FNTB: variants seen among roughly 807,000 people sequenced by gnomAD.
FNTB encodes the protein protein farnesyltransferase subunit beta.
A neutral mutation model predicts 59.4 loss-of-function variants in FNTB; 27 were observed. The observed-to-expected ratio is 0.45, with a 90% confidence interval of 0.34 to 0.63. FNTB has a LOEUF of 0.63. Ranked by LOEUF, FNTB falls within the 20% of genes least tolerant of loss-of-function variation. The pLI is 0.02. For missense variants in FNTB, 449 were observed against 559.6 expected, an observed-to-expected ratio of 0.80 and a Z score of 1.99; for synonymous variants, 230 against 220.7, an observed-to-expected ratio of 1.04 and a Z score of -0.37.
At chr14:65,026,476 G>C (rs1445901911) in intron 4 of FNTB, among the ~76,000 whole-genome samples, 1 of 152,156 alleles carries the variant, frequency 6.6e-6, no homozygotes, top group Non-Finnish European at 1.5e-5. Flanking sequence ...AGTCAGTGCA[G>C]CTCCTCTTAT....
chr14:65,000,145 C>G (rs556511318), intron 1 of FNTB, among the ~76,000 whole-genome samples: 1 of 152,040 alleles, frequency 6.6e-6, no homozygotes, highest in African/African-American at 2.4e-5. Context: ...ATTATTAAGT[C>G]GTATGGATTT....
At position 65,016,920 on chromosome 14, in the gene FNTB, G is replaced by GTTT. The variant is rs34191835; in HGVS notation, c.374+1222_374+1224dup. Among the ~76,000 whole-genome samples, 50 of 114,836 alleles carry GTTT rather than the reference G, an allele frequency of 4.4e-4. 2 individuals are homozygous for GTTT. The highest frequency in any genetic ancestry group is 9.5e-4 in the African/African-American group (28 of 29,396). The allele number at this position is 114,836 out of a possible 152,430, so 75.3% of individuals were successfully genotyped here. A position where few individuals can be genotyped will look rare whatever the true frequency, so the allele number is the denominator to read the frequency against. ...TAATTGTCAAAGAAAGGCCCACGTG[G>GTTT]TTTTTTTTTTTTTTTTTTTTGAGAC... On this transcript the variant is annotated intron_variant, in intron 4 of 11. Coordinates refer to ENST00000246166, the MANE Select transcript of FNTB (RefSeq NM_002028.4).
chr14:65,057,372 T>G (rs180934201), intron 11 of FNTB, among the ~76,000 whole-genome samples: 1 of 152,300 alleles, frequency 6.6e-6, no homozygotes, highest in Admixed American at 6.5e-5. Flanking sequence ...AAGGCTGCAG[T>G]GAGCTCTGTT....
chr14:65,025,918 G>T (rs961313387), intron 4 of FNTB, among the ~76,000 whole-genome samples: 2 of 152,222 alleles, frequency 1.3e-5, no homozygotes, highest in African/African-American at 2.4e-5. Flanking sequence ...AGAAGTATGT[G>T]TTGTTTTAAC....
At position 65,012,508 on chromosome 14, in the gene FNTB, T is replaced by G; in HGVS notation, c.282+119T>G. On this transcript the variant is annotated intron_variant, in intron 3 of 11. Coordinates refer to ENST00000246166, the MANE Select transcript of FNTB (RefSeq NM_002028.4). The surrounding 1 kb of genome is among the most constrained non-coding windows in gnomAD (Gnocchi z 5.0). ...TGTTGCAGAGTCACTCTTTGTTCTC[T>G]GTGGCTCTGGCAGGAGGTAGGGTGC... is the stretch of plus-strand genomic sequence containing the variant. 7 of 1,353,768 alleles carry G rather than the reference T, an allele frequency of 5.2e-6. No homozygotes were observed. Among genetic ancestry groups the G allele is most frequent in the East Asian group, 2.6e-5 (1 of 39,142 alleles). The allele number at this position is 1,353,768 out of a possible 1,614,324, so 83.9% of individuals were successfully genotyped here.
rs140505189 is a variant in FNTB at position 65,012,112 on chromosome 14, A to T, written c.210-205A>T. On this transcript the variant is annotated intron_variant, in intron 2 of 11. Coordinates refer to ENST00000246166, the MANE Select transcript of FNTB (RefSeq NM_002028.4). The surrounding 1 kb of genome is among the most constrained non-coding windows in gnomAD (Gnocchi z 5.0). ...AAATGTCAGCTGGCATGGTTTTCAG[A>T]TGCTTTAGAGACATTCAGACAAGAG... The T allele has an allele frequency of 9.2e-4, 506 of 550,388 alleles. 3 individuals are homozygous for T. The highest frequency in any genetic ancestry group is 8.6e-3 in the African/African-American group (452 of 52,566). 34.1% of individuals were successfully genotyped at this position (550,388 alleles called of 1,614,324 possible).
At chr14:64,987,160 G>A (rs746397174) in intron 1 of FNTB, 63 bp downstream of exon 1, 202 of 1,591,392 alleles carry the variant, frequency 1.3e-4, no homozygotes, top group Non-Finnish European at 1.6e-4. Context: ...AGTCCCGTTC[G>A]TAGGGCCGCC....
intron 4 of FNTB, among the ~76,000 whole-genome samples, chr14:65,019,216 G>C (rs2061841466): frequency 6.6e-6 from 1 of 151,938 alleles, no homozygotes; most frequent in African/African-American, 2.4e-5. Flanking sequence ...GCTGGATGTA[G>C]TGGCTCATGG....
At chr14:64,992,674 G>A (rs1417403475) in intron 1 of FNTB, among the ~76,000 whole-genome samples, 2 of 151,156 alleles carry the variant, frequency 1.3e-5, no homozygotes, top group East Asian at 1.9e-4. Context: ...GCTGGAGTGC[G>A]GTGATGCAAT....
intron 1 of FNTB, among the ~76,000 whole-genome samples, chr14:65,000,713 G>A (rs1888561243): frequency 6.6e-6 from 1 of 150,820 alleles, no homozygotes; most frequent in Non-Finnish European, 1.5e-5. Context: ...CCAGCTACTC[G>A]GGAGGCTGAG....
rs548466281 is a variant in FNTB, at chr14:65,054,636, G to A, written c.1129G>A (p.Gly377Ser). ...LSGLSIAQHF[G>S]SGAMLHDVVL... Reference sequence around the variant, plus strand: ...CGGCCTGTCCATAGCCCAGCACTTCGGCAGCGGAGCCATGTTGCATGATGT... The same window carrying A: ...CGGCCTGTCCATAGCCCAGCACTTCAGCAGCGGAGCCATGTTGCATGATGT... The change falls in exon 11 of 12, where the codon GGC (glycine) becomes AGC (serine). Residue 377 changes from glycine to serine, a missense_variant. Physicochemically the swap from Gly to Ser is moderately conservative, Grantham distance 56 (BLOSUM62 0). Coordinates refer to ENST00000246166, the MANE Select transcript of FNTB (RefSeq NM_002028.4). The surrounding 1 kb of genome is among the most constrained non-coding windows in gnomAD (Gnocchi z 4.4). 6 of 1,613,728 alleles carry A rather than the reference G, an allele frequency of 3.7e-6. No individual in the cohort carries two copies. The highest frequency in any genetic ancestry group is 4.5e-5 in the East Asian group (2 of 44,836).
chr14:65,024,140 G>A (rs2061937907), intron 4 of FNTB, among the ~76,000 whole-genome samples: 1 of 151,500 alleles, frequency 6.6e-6, no homozygotes, highest in South Asian at 2.1e-4. Context: ...GACCCATCTA[G>A]TTCTACTGAA....
At chr14:65,013,175 G>T (rs1216223468) in intron 3 of FNTB, among the ~76,000 whole-genome samples, 2 of 152,154 alleles carry the variant, frequency 1.3e-5, no homozygotes, top group Admixed American at 1.3e-4. Flanking sequence ...CAACTCAAAT[G>T]CCTGTAGGGC....
rs570283513 is a variant in FNTB at position 65,033,788 on chromosome 14, C to T, written c.692+1092C>T. Among the ~76,000 whole-genome samples the T allele has an allele frequency of 2.1e-4, 32 of 152,174 alleles. 1 individual carries two copies. In the South Asian group the frequency reaches 4.8e-3, roughly 23 times the overall value. ...AGGAGAATGGAGTGAACCCAGGAGG[C>T]GGAGCTTGCAGTGAGCCGAGATCAC... On this transcript the variant is annotated intron_variant, in intron 7 of 11. Coordinates refer to ENST00000246166, the MANE Select transcript of FNTB (RefSeq NM_002028.4).
chr14:65,055,708 G>T (rs915341081), intron 11 of FNTB, among the ~76,000 whole-genome samples: 1 of 151,968 alleles, frequency 6.6e-6, no homozygotes, highest in Non-Finnish European at 1.5e-5. Context: ...GTAGAGACAG[G>T]GTTTCCCCAT....
Position 65,044,249 on chromosome 14 carries a change from C to T in FNTB, c.823-62C>T. On this transcript the variant is annotated intron_variant, in intron 8 of 11. Transcript: ENST00000246166. This position sits in a 1 kb window ranked among gnomAD's most constrained non-coding sequence, Gnocchi z 5.5. The stretch of plus-strand genomic sequence containing the variant: ...TCCCACAGATTGACTCCTGGAGATT[C>T]TGTCGGGCTGGATTTTGTCTCTTTT... 1 of 1,607,174 alleles carries T rather than the reference C, an allele frequency of 6.2e-7. No individual in the cohort carries two copies. The highest frequency in any genetic ancestry group is 8.5e-7 in the Non-Finnish European group (1 of 1,177,346).
rs1199853807 is a variant in FNTB at position 64,994,607 on chromosome 14, A to G, written c.144+7510A>G. 6.6e-6 allele frequency among the ~76,000 whole-genome samples: 1 copy of G among 152,202 alleles called. No homozygotes were observed. Among genetic ancestry groups the G allele is most frequent in the Non-Finnish European group, 1.5e-5 (1 of 68,030 alleles). ...TTTTTGTATCTAAACATATGTAAATATAGAAAAGGTAAAGTAAAAATATGT... is the reference window on the plus strand; with the variant it reads ...TTTTTGTATCTAAACATATGTAAATGTAGAAAAGGTAAAGTAAAAATATGT... On this transcript the variant is annotated intron_variant, in intron 1 of 11. Coordinates refer to ENST00000246166, the MANE Select transcript of FNTB (RefSeq NM_002028.4). The surrounding 1 kb of genome is among the most constrained non-coding windows in gnomAD (Gnocchi z 4.2).
At chr14:65,052,418 A>C (rs2062636840) in intron 9 of FNTB, among the ~76,000 whole-genome samples, 1 of 152,340 alleles carries the variant, frequency 6.6e-6, no homozygotes, top group East Asian at 1.9e-4. Flanking sequence ...CTTTTAGCCC[A>C]GGTATCAAAA....
rs758913430 is a variant in FNTB, at chr14:65,009,158, C to T, written c.210-3159C>T. On this transcript the variant is annotated intron_variant, in intron 2 of 11. Coordinates refer to ENST00000246166, the MANE Select transcript of FNTB (RefSeq NM_002028.4). This position sits in a 1 kb window ranked among gnomAD's most constrained non-coding sequence, Gnocchi z 4.2. The stretch of plus-strand genomic sequence containing the variant: ...TAGAGGTGAGTTGAGAATGAAGGAC[C>T]GGTGAGGGTATTAGTCAGCTTGGGC... Among the ~76,000 whole-genome samples the T allele has an allele frequency of 2.0e-5, 3 of 152,204 alleles. No homozygotes were observed. Among genetic ancestry groups the T allele is most frequent in the Non-Finnish European group, 2.9e-5 (2 of 67,998 alleles).
Sources: allele counts gnomAD v4.1 joint callset (sites outside exome capture counted in the v4.1 genomes callset), GRCh38; gene constraint gnomAD v4.1.1; non-coding constraint Gnocchi (gnomAD v3.1); transcripts MANE v1.5; gene names NCBI Gene and HGNC (gene_info 2026-07-23, HGNC 2026-07-21).